The following RFX7 variants were observed in gnomAD, a reference collection of about 807,000 sequenced individuals.
The protein encoded by RFX7 is DNA-binding protein RFX7.
In RFX7, 26 loss-of-function variants were observed where a neutral mutation model predicts 111.8. The observed-to-expected ratio is 0.23, with a 90% CI of 0.17 to 0.32. RFX7 has a LOEUF of 0.32. Ranked by LOEUF, RFX7 falls within the 10% of genes least tolerant of loss-of-function variation. The pLI, the probability that RFX7 is intolerant of heterozygous loss-of-function variation, is 1.00. For missense variants in RFX7, 1,573 were observed against 1,772.9 expected (o/e 0.89, Z 2.02); for synonymous variants, 624 against 624.4 (o/e 1.00, Z 0.01).
chr15:56,217,643 G>A (rs971006557), intron 2 of RFX7, among the ~76,000 whole-genome samples: 14 of 152,024 alleles, frequency 9.2e-5, no homozygotes, highest in African/African-American at 3.4e-4. Context: ...TAACTTATGA[G>A]TCAGTATCCA....
chr15:56,187,617 G>A (rs1595996420), intron 2 of RFX7, among the ~76,000 whole-genome samples: 1 of 152,156 alleles, frequency 6.6e-6, no homozygotes, highest in African/African-American at 2.4e-5. Context: ...CAGCTTAAAA[G>A]TGAAAGGTGA....
intron 2 of RFX7, among the ~76,000 whole-genome samples, chr15:56,232,463 G>A (rs537853083): frequency 6.6e-6 from 1 of 152,230 alleles, no homozygotes; most frequent in South Asian, 2.1e-4. Context: ...GTGATGGGAG[G>A]GGCTGCTATG....
chr15:56,172,653 C>A (rs939299913), intron 3 of RFX7, among the ~76,000 whole-genome samples: 2 of 152,040 alleles, frequency 1.3e-5, no homozygotes, highest in Admixed American at 6.6e-5. Context: ...TGGTGGAGTA[C>A]CACAAGGCAA....
At chr15:56,209,534 TTTC>T (rs1320013774) in intron 2 of RFX7, among the ~76,000 whole-genome samples, 1 of 152,086 alleles carries the variant, frequency 6.6e-6, no homozygotes, top group East Asian at 1.9e-4. Flanking sequence ...GTTTTAAATG[TTTC>T]TTATTTTTAA....
chr15:56,149,911 G>A (rs527655050), intron 3 of RFX7, among the ~76,000 whole-genome samples: 3 of 152,012 alleles, frequency 2.0e-5, no homozygotes, highest in African/African-American at 7.2e-5. Context: ...CAAGTGGTCT[G>A]GCTCAGCGGG....
At chr15:56,218,443 T>C (rs1441392246) in intron 2 of RFX7, among the ~76,000 whole-genome samples, 1 of 152,134 alleles carries the variant, frequency 6.6e-6, no homozygotes, top group African/African-American at 2.4e-5. Flanking sequence ...AGAAACAATT[T>C]AAAGTATATA....
chr15:56,235,441 CCT>C, intron 2 of RFX7, among the ~76,000 whole-genome samples: 1 of 152,152 alleles, frequency 6.6e-6, no homozygotes, highest in East Asian at 1.9e-4. Flanking sequence ...CCCAAAGTGC[CCT>C]GTTCTCATCT....
chr15:56,140,224 G>T, intron 5 of RFX7, among the ~76,000 whole-genome samples: 1 of 152,184 alleles, frequency 6.6e-6, no homozygotes, highest in Middle Eastern at 3.4e-3. Flanking sequence ...CCTCGCTGTC[G>T]CCTTGCAGTT....
intron 5 of RFX7, among the ~76,000 whole-genome samples, chr15:56,114,998 A>C (rs1012096282): frequency 6.6e-6 from 1 of 151,976 alleles, no homozygotes; most frequent in Non-Finnish European, 1.5e-5. Context: ...ATTTAAAATG[A>C]CTATTCTTTT....
chr15:56,209,200 C>A (rs1225888720), intron 2 of RFX7, among the ~76,000 whole-genome samples: 3 of 151,378 alleles, frequency 2.0e-5, no homozygotes, highest in Non-Finnish European at 4.4e-5. Context: ...ACATACCATA[C>A]CTATACAGGA....
intron 3 of RFX7, among the ~76,000 whole-genome samples, chr15:56,167,659 A>T (rs1437370056): frequency 6.6e-6 from 1 of 152,218 alleles, no homozygotes; most frequent in Admixed American, 6.5e-5. Context: ...TAACAAAAAA[A>T]TCTATTCATA....
rs1190000380 is a variant in RFX7, at chr15:56,093,094, T to C, written c.*251A>G. 4.9e-6 allele frequency: 2 copies of C among 405,812 alleles called. No homozygotes were observed. The highest frequency in any genetic ancestry group is 8.8e-6 in the Non-Finnish European group (2 of 227,502). 25.1% of individuals were successfully genotyped at this position (405,812 alleles called of 1,614,324 possible). On this transcript the variant is annotated 3_prime_UTR_variant, in exon 10 of 10. Transcript: ENST00000559447. ...GCTCTTGTAACAGCTGGATAGTCAATCAATGTGAATAAATGGGGCACATTA... is the reference window on the plus strand; with the variant it reads ...GCTCTTGTAACAGCTGGATAGTCAACCAATGTGAATAAATGGGGCACATTA...
At position 56,211,985 on chromosome 15, in the gene RFX7, C is replaced by G. The variant is rs185753345; in HGVS notation, c.161+31140G>C. Among the ~76,000 whole-genome samples the G allele has an allele frequency of 4.9e-4, 74 of 152,224 alleles. 1 individual carries two copies. The East Asian group carries it at 9.5e-3, about 19-fold the overall frequency. Reference sequence around the variant, plus strand: ...TCACAAAACTAAATAGATTCCTACCCTATGACCCAGCAATTGCACTTCATG... The same window carrying G: ...TCACAAAACTAAATAGATTCCTACCGTATGACCCAGCAATTGCACTTCATG... On this transcript the variant is annotated intron_variant, in intron 2 of 9. Coordinates refer to ENST00000559447, the MANE Select transcript of RFX7 (RefSeq NM_022841.7).
intron 3 of RFX7, among the ~76,000 whole-genome samples, chr15:56,176,609 A>G (rs1006552843): frequency 2.0e-5 from 3 of 152,162 alleles, no homozygotes; most frequent in Admixed American, 6.5e-5. Context: ...AAGGCAAAAT[A>G]AAGACATTCA....
intron 3 of RFX7, among the ~76,000 whole-genome samples, chr15:56,176,027 TAAA>T: frequency 6.6e-6 from 1 of 152,236 alleles, no homozygotes; most frequent in African/African-American, 2.4e-5. Flanking sequence ...CCCACATGGT[TAAA>T]ATAGTAGTGT....
At chr15:56,109,470 G>C (rs2041879406) in intron 5 of RFX7, among the ~76,000 whole-genome samples, 1 of 152,178 alleles carries the variant, frequency 6.6e-6, no homozygotes, top group South Asian at 2.1e-4. Context: ...GCCGCCACCC[G>C]GTCTGGGAGG....
chr15:56,196,732 G>T (rs2043149240), intron 2 of RFX7, among the ~76,000 whole-genome samples: 1 of 152,190 alleles, frequency 6.6e-6, no homozygotes, highest in South Asian at 2.1e-4. Flanking sequence ...CATCAAGTCT[G>T]TGGTACTTTG....
chr15:56,212,573 G>C (rs1202160502), intron 2 of RFX7, among the ~76,000 whole-genome samples: 1 of 152,156 alleles, frequency 6.6e-6, no homozygotes, highest in Non-Finnish European at 1.5e-5. Context: ...GTAGGATGTT[G>C]ATAATGGGGA....
intron 2 of RFX7, among the ~76,000 whole-genome samples, chr15:56,232,337 T>G (rs2043569483): frequency 6.6e-6 from 1 of 152,156 alleles, no homozygotes; most frequent in Non-Finnish European, 1.5e-5. Flanking sequence ...GATTTCCCCT[T>G]TTAGCCATGG....
Sources: allele counts gnomAD v4.1 joint callset (sites outside exome capture counted in the v4.1 genomes callset), GRCh38; gene constraint gnomAD v4.1.1; transcripts MANE v1.5; gene names NCBI Gene and HGNC (gene_info 2026-07-23, HGNC 2026-07-21).